The following ERVFRD-1 variants were observed in gnomAD, a reference collection of about 807,000 sequenced individuals.
The protein encoded by ERVFRD-1 is endogenous retrovirus group FRD member 1, envelope, also known as syncytin-2.
In ERVFRD-1, 33 loss-of-function variants were observed where a neutral mutation model predicts 43.8. That is an observed-to-expected ratio of 0.75 (90% CI 0.57 to 1.01). The LOEUF (loss-of-function observed/expected upper bound fraction) is 1.01. Ranked by LOEUF, ERVFRD-1 falls within the 50% of genes least tolerant of loss-of-function variation. The pLI is 0.00. For synonymous variants in ERVFRD-1, 239 were observed against 244.4 expected (o/e 0.98, Z 0.21); for missense variants, 568 against 658.4 (o/e 0.86, Z 1.50).
At position 11,105,618 on chromosome 6, in the gene ERVFRD-1, A is replaced by C. The variant is rs772639453; in HGVS notation, c.-308T>G. 1.9e-5 allele frequency: 6 copies of C among 319,290 alleles called. No individual in the cohort carries two copies. Among genetic ancestry groups the C allele is most frequent in the Non-Finnish European group, 3.7e-5 (6 of 163,094 alleles). 19.8% of individuals were successfully genotyped at this position (319,290 alleles called of 1,614,324 possible). ...GTGATGGATCTAGCTGGCAGTCTCC[A>C]GTACTGTAATGGCTGTAGGGGTAGA... On this transcript the variant is annotated 5_prime_UTR_variant, in exon 2 of 2. Transcript: ENST00000472091.
At chr6:11,110,855 G>C (rs550592401) in intron 1 of ERVFRD-1, among the ~76,000 whole-genome samples, 42 of 152,292 alleles carry the variant, frequency 2.8e-4, no homozygotes, top group Admixed American at 6.5e-4. Context: ...CCCCACAAAG[G>C]GGTGCTAACT....
In ERVFRD-1 at chr6:11,104,205, G is replaced by C; in HGVS notation, c.1106C>G (p.Thr369Ser). 6.4e-7 allele frequency: 1 copy of C among 1,551,716 alleles called. No homozygotes were observed. The highest frequency in any genetic ancestry group is 2.4e-5 in the East Asian group (1 of 40,922). Residue 369 changes from threonine (T) to serine (S), a missense_variant, in exon 2 of 2, where the codon ACC (threonine) becomes AGC (serine). Thr to Ser is a moderately conservative substitution (Grantham distance 58). Coordinates refer to ENST00000472091, the MANE Select transcript of ERVFRD-1 (RefSeq NM_207582.3). The stretch of plus-strand genomic sequence containing the variant: ...AGCTTTTGTGATTCCAGCAATTCCG[G>C]TTCCCGTACCAGCTAGAATGCCGAG... ...AGLGILAGTG[T>S]GIAGITKASL...
At position 11,103,948 on chromosome 6, in the gene ERVFRD-1, G is replaced by C. The variant is rs924376232; in HGVS notation, c.1363C>G (p.Leu455Val). 1.3e-6 allele frequency: 2 copies of C among 1,551,554 alleles called. No homozygotes were observed. The highest frequency in any genetic ancestry group is 2.0e-5 in the Admixed American group (1 of 50,986). ...CGTAAACTGGAGGCTTGATTTAGGAGTTGTCTGATGTTGTCTTGTACTTTT... is the reference window on the plus strand; with the variant it reads ...CGTAAACTGGAGGCTTGATTTAGGACTTGTCTGATGTTGTCTTGTACTTTT... ...SGKVQDNIRQLLNQASSLRER... is the reference protein window; with the variant it reads ...SGKVQDNIRQVLNQASSLRER... Residue 455 changes from leucine (L) to valine (V), a missense_variant, in exon 2 of 2, where the codon CTC (leucine) becomes GTC (valine). Physicochemically the swap from Leu to Val is conservative, Grantham distance 32 (BLOSUM62 1). Transcript: ENST00000472091.
intron 1 of ERVFRD-1, 128 bp downstream of exon 1, chr6:11,111,549 G>GC (rs1758167110): frequency 6.5e-6 from 1 of 152,868 alleles, no homozygotes; most frequent in African/African-American, 2.4e-5. Context: ...GGGGAGCAGA[G>GC]CCACTGTGGT....
rs555394480 is a variant in ERVFRD-1 at position 11,103,497 on chromosome 6, G to C, written c.*197C>G. 9.8e-4 allele frequency: 723 copies of C among 738,142 alleles called. No homozygotes were observed. Among genetic ancestry groups the C allele is most frequent in the Non-Finnish European group, 1.1e-3 (564 of 495,552 alleles). The allele number at this position is 738,142 out of a possible 1,614,324, so 45.7% of individuals were successfully genotyped here. A position where few individuals can be genotyped will look rare whatever the true frequency, so the allele number is the denominator to read the frequency against. On this transcript the variant is annotated 3_prime_UTR_variant, in exon 2 of 2. Coordinates refer to ENST00000472091, the MANE Select transcript of ERVFRD-1 (RefSeq NM_207582.3). ...GACCCAATTATCTGGGAAAATGGAC[G>C]AAGGTCAGTCTTCTTTAACTGCTTC... is the stretch of plus-strand genomic sequence containing the variant.
intron 1 of ERVFRD-1, among the ~76,000 whole-genome samples, chr6:11,106,565 G>T (rs1159146650): frequency 6.6e-6 from 1 of 152,224 alleles, no homozygotes; most frequent in Admixed American, 6.5e-5. Flanking sequence ...AGACGGAGAA[G>T]TTCTCCCAAC....
chr6:11,104,519 G>C lies in ERVFRD-1; in HGVS notation c.792C>G (p.Thr264=). 6.4e-7 allele frequency: 1 copy of C among 1,567,424 alleles called. No individual in the cohort carries two copies. The highest frequency in any genetic ancestry group is 8.7e-7 in the Non-Finnish European group (1 of 1,155,386). ...VQVLAGMTIA[T]SYLGISAVSE... ...AGACTGCTGATATGCCCAGGTAGCT[G>C]GTGGCTATAGTCATGCCTGCTAAGA... The change falls in exon 2 of 2, where the codon ACC becomes ACG. Residue 264 remains threonine (T), a synonymous_variant. Transcript: ENST00000472091.
intron 1 of ERVFRD-1, among the ~76,000 whole-genome samples, chr6:11,107,602 C>T (rs564491031): frequency 2.0e-4 from 31 of 152,162 alleles, no homozygotes; most frequent in Admixed American, 1.2e-3. Flanking sequence ...GAGGATGGGT[C>T]GAGGGGGAGA....
chr6:11,106,174 A>T (rs987122028), intron 1 of ERVFRD-1, among the ~76,000 whole-genome samples: 3 of 152,170 alleles, frequency 2.0e-5, no homozygotes, highest in Admixed American at 2.0e-4. Context: ...GAACTGAGGA[A>T]TGAGTTCCTT....
In ERVFRD-1 at chr6:11,103,618, C is replaced by G; in HGVS notation, c.*76G>C. ...CTCTGTGGATTGGCAAAAACCATAT[C>G]CAGCCAGGTCCACGGGAGACGGGGC... On this transcript the variant is annotated 3_prime_UTR_variant, in exon 2 of 2. Coordinates refer to ENST00000472091, the MANE Select transcript of ERVFRD-1 (RefSeq NM_207582.3). 1 of 1,464,536 alleles carries G rather than the reference C, an allele frequency of 6.8e-7. No homozygotes were observed. Among genetic ancestry groups the G allele is most frequent in the Admixed American group, 2.7e-5 (1 of 37,494 alleles). The allele number at this position is 1,464,536 out of a possible 1,614,324, so 90.7% of individuals were successfully genotyped here.
At chr6:11,108,925 C>T (rs1758130263) in intron 1 of ERVFRD-1, among the ~76,000 whole-genome samples, 1 of 152,200 alleles carries the variant, frequency 6.6e-6, no homozygotes, top group South Asian at 2.1e-4. Flanking sequence ...TCATAAGGCC[C>T]TTGATCTGTC....
In ERVFRD-1 at chr6:11,104,228, G is replaced by A. The variant is rs781373012; in HGVS notation, c.1083C>T (p.Leu361=). ...AIHFIPLLAG[L]GILAGTGTGI... ...CGGTTCCCGTACCAGCTAGAATGCC[G>A]AGTCCCGCGAGAAGGGGAATGAAAT... The change falls in exon 2 of 2, where the codon CTC becomes CTT. Residue 361 remains leucine (L), a synonymous_variant. Transcript: ENST00000472091. 36 of 1,551,532 alleles carry A rather than the reference G, an allele frequency of 2.3e-5. No homozygotes were observed. In the South Asian group the frequency reaches 3.2e-4, roughly 14 times the overall value.
Position 11,104,801 on chromosome 6 carries a change from T to C in ERVFRD-1, c.510A>G (p.Pro170=). 1 of 1,614,210 alleles carries C rather than the reference T, an allele frequency of 6.2e-7. No homozygotes were observed. Among genetic ancestry groups the C allele is most frequent in the Non-Finnish European group, 8.5e-7 (1 of 1,180,032 alleles). Residue 170 remains proline (P), a synonymous_variant, in exon 2 of 2, where the codon CCA becomes CCG. Transcript: ENST00000472091. ...TYTHNQFRHQ[P]RFPKPPNITF... is the part of the protein sequence containing the mutation. ...TAATATTTGGAGGTTTGGGGAATCTTGGTTGATGGCGGAATTGGTTGTGGG... is the reference window on the plus strand; with the variant it reads ...TAATATTTGGAGGTTTGGGGAATCTCGGTTGATGGCGGAATTGGTTGTGGG...
intron 1 of ERVFRD-1, among the ~76,000 whole-genome samples, chr6:11,110,182 G>A (rs768473301): frequency 3.9e-5 from 6 of 152,110 alleles, no homozygotes; most frequent in Non-Finnish European, 8.8e-5. Context: ...CTCATCCAAG[G>A]GGTTCTGGAA....
At chr6:11,110,647 G>A (rs778996184) in intron 1 of ERVFRD-1, among the ~76,000 whole-genome samples, 11 of 152,194 alleles carry the variant, frequency 7.2e-5, no homozygotes, top group Non-Finnish European at 1.5e-4. Context: ...GCTTAACGAG[G>A]TAGAACAATC....
chr6:11,104,440 A>G lies in ERVFRD-1; in HGVS notation c.871T>C (p.Cys291Arg). The G allele has an allele frequency of 6.4e-7, 1 of 1,551,806 alleles. No individual in the cohort carries two copies. The highest frequency in any genetic ancestry group is 8.7e-7 in the Non-Finnish European group (1 of 1,147,028). ...TAAAAGGCTCCTTGAGTTTTAAGGC[A>G]TGTAGAGATATGGAAATGAAATAAG... ...TPLFHFHIST[C>R]LKTQGAFYIC... Residue 291 changes from cysteine to arginine, a missense_variant, in exon 2 of 2, where the codon TGC (cysteine) becomes CGC (arginine). Cys to Arg is a radical substitution (Grantham distance 180). Transcript: ENST00000472091.
In ERVFRD-1 at chr6:11,104,077, C is replaced by T. The variant is rs887891430; in HGVS notation, c.1234G>A (p.Val412Ile). ...MQEQIDSLAA[V>I]VLQNRRGLDM... ...AGTCCTCGACGATTTTGAAGGACTA[C>T]GGCTGCTAAAGAGTCGATTTGTTCT... Residue 412 changes from valine (V) to isoleucine (I), a missense_variant, in exon 2 of 2, where the codon GTA becomes ATA. Val to Ile is a conservative substitution (Grantham distance 29). Transcript: ENST00000472091. 15 of 1,551,606 alleles carry T rather than the reference C, an allele frequency of 9.7e-6. No homozygotes were observed. The highest frequency in any genetic ancestry group is 3.6e-5 in the South Asian group (3 of 84,066).
chr6:11,109,035 A>G (rs1758131738), intron 1 of ERVFRD-1, among the ~76,000 whole-genome samples: 1 of 152,266 alleles, frequency 6.6e-6, no homozygotes, highest in African/African-American at 2.4e-5. Context: ...ACTCCCCTGG[A>G]TATTGTAATC....
Position 11,103,562 on chromosome 6 carries a change from T to C in ERVFRD-1, c.*132A>G, listed in dbSNP as rs1758030578. ...GCTGTAGTGGTTGTTCTGTGGGTCT[T>C]GGCCTCTTGCTAGCTGTCAGGGCAG... On this transcript the variant is annotated 3_prime_UTR_variant, in exon 2 of 2. Transcript: ENST00000472091. 2 of 1,350,634 alleles carry C rather than the reference T, an allele frequency of 1.5e-6. No homozygotes were observed. Among genetic ancestry groups the C allele is most frequent in the South Asian group, 1.6e-5 (1 of 61,322 alleles). 83.7% of individuals were successfully genotyped at this position (1,350,634 alleles called of 1,614,324 possible). A position where few individuals can be genotyped will look rare whatever the true frequency, so the allele number is the denominator to read the frequency against.
Sources: gnomAD v4.1 joint callset for allele counts (sites outside exome capture counted in the v4.1 genomes callset) on GRCh38, gnomAD v4.1.1 for gene constraint, MANE v1.5 for transcripts, NCBI Gene and HGNC (gene_info 2026-07-23, HGNC 2026-07-21) for gene names.